The following NPSR1 variants were observed in gnomAD, a reference collection of about 807,000 sequenced individuals.
NPSR1 encodes the protein neuropeptide S receptor.
Under a neutral mutation model 46.9 loss-of-function variants are expected in NPSR1, and 48 were observed. That is an observed-to-expected ratio of 1.02 (90% CI 0.81 to 1.30). The LOEUF (loss-of-function observed/expected upper bound fraction) is 1.30. NPSR1 is among the 50% of genes most tolerant of loss of function. The probability of loss-of-function intolerance (pLI) is 0.00; values close to 1 mark genes in which losing one functional copy is unlikely to be tolerated. For missense variants in NPSR1, 450 were observed against 449.5 expected (o/e 1.00, Z -0.01); for synonymous variants, 176 against 168.1 (o/e 1.05, Z -0.36).
intron 1 of NPSR1, among the ~76,000 whole-genome samples, chr7:34,667,357 T>TA (rs930563749): frequency 2.0e-5 from 3 of 152,046 alleles, no homozygotes; most frequent in African/African-American, 4.8e-5. Context: ...GAAAGGGGGG[T>TA]AGTCATGGAG....
intron 2 of NPSR1, among the ~76,000 whole-genome samples, chr7:34,694,998 G>A (rs547788816): frequency 7.2e-5 from 11 of 152,240 alleles, no homozygotes; most frequent in Non-Finnish European, 1.0e-4. Context: ...GTGAACCACC[G>A]TGCCTAGCAT....
chr7:34,861,812 C>T (rs1483380349), intron 8 of NPSR1, among the ~76,000 whole-genome samples: 2 of 151,764 alleles, frequency 1.3e-5, no homozygotes, highest in African/African-American at 2.4e-5. Context: ...ATCAGAGTGA[C>T]TGAAGGGCAA....
chr7:34,764,935 C>T (rs780063624), intron 2 of NPSR1, among the ~76,000 whole-genome samples: 2 of 152,104 alleles, frequency 1.3e-5, no homozygotes, highest in Non-Finnish European at 2.9e-5. Flanking sequence ...CTAAAACCAC[C>T]AGTAGCAAGC....
At chr7:34,853,081 G>GA (rs1169576429), downstream of NPSR1, among the ~76,000 whole-genome samples, 2 of 152,184 alleles carry the variant, frequency 1.3e-5, no homozygotes, top group Admixed American at 1.3e-4. Flanking sequence ...ATAATCATGA[G>GA]AAAAAAGTGG....
At chr7:34,744,154 T>C (rs1026613489) in intron 2 of NPSR1, among the ~76,000 whole-genome samples, 3 of 152,210 alleles carry the variant, frequency 2.0e-5, no homozygotes, top group Non-Finnish European at 2.9e-5. Context: ...ACTTTATTTA[T>C]TCTAATGGGC....
At chr7:34,867,498 A>G (rs1333791214) in intron 8 of NPSR1, among the ~76,000 whole-genome samples, 1 of 151,904 alleles carries the variant, frequency 6.6e-6, no homozygotes, top group African/African-American at 2.4e-5. Context: ...CAGCCCAAGG[A>G]AGGCAGGCCT....
intron 3 of NPSR1, among the ~76,000 whole-genome samples, chr7:34,789,259 G>A (rs1390805829): frequency 6.6e-6 from 1 of 151,668 alleles, no homozygotes. Flanking sequence ...AAGAGTCAGG[G>A]TTTCCCTTTC....
At chr7:34,663,143 C>T (rs1791559956) in intron 1 of NPSR1, among the ~76,000 whole-genome samples, 1 of 148,968 alleles carries the variant, frequency 6.7e-6, no homozygotes. Context: ...GTCTGATCTA[C>T]TGAGGGATCT....
At chr7:34,697,579 G>A (rs952391359) in intron 2 of NPSR1, among the ~76,000 whole-genome samples, 1 of 151,774 alleles carries the variant, frequency 6.6e-6, no homozygotes, top group Non-Finnish European at 1.5e-5. Flanking sequence ...TATACTTTAA[G>A]TCATCTCTAA....
At chr7:34,783,296 G>A (rs1487941962) in intron 3 of NPSR1, among the ~76,000 whole-genome samples, 1 of 152,104 alleles carries the variant, frequency 6.6e-6, no homozygotes, top group Non-Finnish European at 1.5e-5. Context: ...CATGGTGGAA[G>A]GGAAAGCAAA....
chr7:34,802,782 C>T, intron 3 of NPSR1, among the ~76,000 whole-genome samples: 1 of 150,294 alleles, frequency 6.7e-6, no homozygotes, highest in Non-Finnish European at 1.5e-5. Context: ...AACAGGCAAC[C>T]TACAAAATGG....
At chr7:34,690,360 C>A (rs745624104) in intron 2 of NPSR1, among the ~76,000 whole-genome samples, 16 of 152,054 alleles carry the variant, frequency 1.1e-4, no homozygotes, top group Non-Finnish European at 2.1e-4. Flanking sequence ...TGCTACAACA[C>A]CCCCAAAGGA....
chr7:34,678,724 G>T (rs1383109101), intron 1 of NPSR1, among the ~76,000 whole-genome samples: 1 of 151,882 alleles, frequency 6.6e-6, no homozygotes, highest in African/African-American at 2.4e-5. Flanking sequence ...TACTCGGGAG[G>T]CTGAGGCAGG....
At chr7:34,849,229 G>A in intron 8 of NPSR1, 1 of 827,700 alleles carries the variant, frequency 1.2e-6, no homozygotes, top group Non-Finnish European at 2.0e-6. Context: ...AGTGGTTGAA[G>A]TTTATATCTT....
chr7:34,727,997 T>G (rs990609261), intron 2 of NPSR1, among the ~76,000 whole-genome samples: 2 of 151,564 alleles, frequency 1.3e-5, no homozygotes, highest in Non-Finnish European at 2.9e-5. Context: ...CTTGCCAGAT[T>G]CAGAACAGGT....
chr7:34,792,567 ATATATGTG>A (rs371414033), intron 3 of NPSR1, among the ~76,000 whole-genome samples: 15,298 of 129,480 alleles, frequency 0.12, 1,122 homozygotes, highest in Non-Finnish European at 0.16. Context: ...GTACATATAT[ATATATGTG>A]TGTGTGTATA....
chr7:34,774,601 T>C (rs1786859574), intron 2 of NPSR1, among the ~76,000 whole-genome samples: 1 of 152,220 alleles, frequency 6.6e-6, no homozygotes, highest in South Asian at 2.1e-4. Context: ...AACTTTGTAC[T>C]GAAAATGGAT....
intron 6 of NPSR1, among the ~76,000 whole-genome samples, chr7:34,841,990 C>T (rs1221171020): frequency 1.3e-5 from 2 of 152,184 alleles, no homozygotes; most frequent in Admixed American, 6.5e-5. Flanking sequence ...CAGATAACAA[C>T]CTTGTATAAT....
In NPSR1 at chr7:34,752,921, C is replaced by T. The variant is rs150594215; in HGVS notation, c.281-25541C>T. On this transcript the variant is annotated intron_variant, in intron 2 of 8. Transcript: ENST00000360581. The stretch of plus-strand genomic sequence containing the variant: ...CTTGCTTCCTTCCCAGAAGATTTTG[C>T]CAATCATCCCTCTTTTGGACAAATA... Among the ~76,000 whole-genome samples the T allele has an allele frequency of 4.6e-5, 7 of 152,284 alleles. No individual in the cohort carries two copies. The East Asian group carries it at 1.4e-3, about 29-fold the overall frequency.
Sources: allele counts gnomAD v4.1 joint callset (sites outside exome capture counted in the v4.1 genomes callset), GRCh38; gene constraint gnomAD v4.1.1; transcripts MANE v1.5; gene names NCBI Gene and HGNC (gene_info 2026-07-23, HGNC 2026-07-21).